The following IFIT3 variants were observed in gnomAD, a reference collection of about 807,000 sequenced individuals.
IFIT3 encodes interferon induced protein with tetratricopeptide repeats 3.
Under a neutral mutation model 2.4 loss-of-function variants are expected in IFIT3, and 2 were observed. The ratio of observed to expected loss-of-function variants is 0.82; its 90% CI spans 0.34 to 2.60. The LOEUF (loss-of-function observed/expected upper bound fraction) is 2.60. Among genes scored for constraint, IFIT3 ranks in the 30% most tolerant of loss-of-function variants. IFIT3 has a pLI of 0.11. For missense variants in IFIT3, 481 were observed against 562.4 expected (o/e 0.86, Z 1.46); for synonymous variants, 203 against 212.1 (o/e 0.96, Z 0.37).
intron 1 of IFIT3, among the ~76,000 whole-genome samples, chr10:89,333,607 A>G (rs7088379): frequency 0.062 from 9,484 of 152,298 alleles, 710 homozygotes; most frequent in African/African-American, 0.18. Context: ...GGCTGAGGCA[A>G]GAGGATTGCT....
chr10:89,336,700 TA>T (rs1843746001), intron 1 of IFIT3, among the ~76,000 whole-genome samples: 1 of 152,248 alleles, frequency 6.6e-6, no homozygotes, highest in Admixed American at 6.5e-5. Flanking sequence ...TTGGTCAGAA[TA>T]GATGGTTGGT....
chr10:89,332,310 A>C (rs1408408767), intron 1 of IFIT3, among the ~76,000 whole-genome samples: 2 of 152,236 alleles, frequency 1.3e-5, no homozygotes, highest in African/African-American at 4.8e-5. Context: ...GACATAACAC[A>C]TTTGGAAGCT....
rs776829062 is a variant in IFIT3 at position 89,339,939 on chromosome 10, T to C, written c.1284T>C (p.Asn428=). Residue 428 remains asparagine, a synonymous_variant, in exon 2 of 2, where the codon AAT becomes AAC. Coordinates refer to ENST00000371818, the MANE Select transcript of IFIT3 (RefSeq NM_001549.6). The part of the protein sequence containing the change: ...WYLQGLIHKQ[N]GDLLQAAKCY... ...TTCAAGGATTAATTCATAAGCAGAA[T>C]GGAGATCTGCTGCAAGCAGCCAAAT... 24 of 1,614,016 alleles carry C rather than the reference T, an allele frequency of 1.5e-5. No individual in the cohort carries two copies. The highest frequency in any genetic ancestry group is 1.9e-5 in the Non-Finnish European group (23 of 1,179,988).
In IFIT3 at chr10:89,331,235, C is replaced by G. The variant is rs571537620; in HGVS notation, c.5+3157C>G. On this transcript the variant is annotated intron_variant, in intron 1 of 1. Coordinates refer to ENST00000371818, the MANE Select transcript of IFIT3 (RefSeq NM_001549.6). The stretch of plus-strand genomic sequence containing the variant: ...TCACCCAGGCTGGAGTGCAGTGGCC[C>G]GATCATGGCTCACTGCAGCCTCAGA... 7.7e-4 allele frequency among the ~76,000 whole-genome samples: 117 copies of G among 152,232 alleles called. 1 individual carries two copies. The highest frequency in any genetic ancestry group is 2.7e-3 in the African/African-American group (114 of 41,526).
chr10:89,340,237 G>T lies in IFIT3; in HGVS notation c.*109G>T. ...TGGGATTGCTGAGCAGGGAAGCTTT[G>T]CATGTTGCTCTAAGGTACATTTTTA... is the stretch of plus-strand genomic sequence containing the variant. On this transcript the variant is annotated 3_prime_UTR_variant, in exon 2 of 2. Transcript: ENST00000371818. The T allele has an allele frequency of 8.5e-7, 1 of 1,173,288 alleles. No homozygotes were observed. The highest frequency in any genetic ancestry group is 1.2e-6 in the Non-Finnish European group (1 of 850,018). 72.7% of individuals were successfully genotyped at this position (1,173,288 alleles called of 1,614,324 possible). A position where few individuals can be genotyped will look rare whatever the true frequency, so the allele number is the denominator to read the frequency against.
chr10:89,333,023 T>A (rs1312816090), intron 1 of IFIT3, among the ~76,000 whole-genome samples: 1 of 152,248 alleles, frequency 6.6e-6, no homozygotes, highest in Non-Finnish European at 1.5e-5. Context: ...ACTGTGGTTA[T>A]TTTTAAACCA....
chr10:89,337,655 T>C (rs368381166), intron 1 of IFIT3, among the ~76,000 whole-genome samples: 3 of 152,350 alleles, frequency 2.0e-5, no homozygotes, highest in African/African-American at 2.4e-5. Flanking sequence ...CGCCTTGGCC[T>C]CCCAAAGTGC....
At chr10:89,337,902 T>G (rs1843770702) in intron 1 of IFIT3, among the ~76,000 whole-genome samples, 1 of 152,202 alleles carries the variant, frequency 6.6e-6, no homozygotes, top group Admixed American at 6.5e-5. Flanking sequence ...GGTACAAAAG[T>G]GATAATTCCA....
chr10:89,336,315 A>G (rs2133558362), intron 1 of IFIT3, among the ~76,000 whole-genome samples: 1 of 152,306 alleles, frequency 6.6e-6, no homozygotes, highest in Non-Finnish European at 1.5e-5. Context: ...GGGACCAAGA[A>G]AAGGAAAAGG....
chr10:89,336,355 A>G (rs1843740575), intron 1 of IFIT3, among the ~76,000 whole-genome samples: 2 of 152,208 alleles, frequency 1.3e-5, no homozygotes, highest in Admixed American at 6.5e-5. Context: ...ACACACATAA[A>G]GAGGCTAGCC....
intron 1 of IFIT3, chr10:89,332,649 G>A (rs778647935): frequency 1.9e-6 from 3 of 1,612,504 alleles, no homozygotes; most frequent in East Asian, 4.5e-5. Context: ...CTGCTTCTCT[G>A]ATAGGAAACA....
intron 1 of IFIT3, chr10:89,335,565 A>C (rs915718441): frequency 6.6e-6 from 1 of 150,422 alleles, no homozygotes; most frequent in Non-Finnish European, 1.5e-5. Flanking sequence ...AAAAAGAGAG[A>C]GAGATAGTGT....
Position 89,338,806 on chromosome 10 carries a change from G to A in IFIT3, c.151G>A (p.Ala51Thr), listed in dbSNP as rs749802192. 1 of 1,614,156 alleles carries A rather than the reference G, an allele frequency of 6.2e-7. No homozygotes were observed. The highest frequency in any genetic ancestry group is 1.1e-5 in the South Asian group (1 of 91,086). ...QIEFLNTEFK[A>T]TMYNLLAYIK... Reference sequence around the variant, plus strand: ...TGAATTTTTAAACACTGAGTTCAAAGCTACAATGTACAACTTGTTGGCCTA... The same window carrying A: ...TGAATTTTTAAACACTGAGTTCAAAACTACAATGTACAACTTGTTGGCCTA... The change falls in exon 2 of 2, where the codon GCT (alanine) becomes ACT (threonine). Residue 51 changes from alanine to threonine, a missense_variant. Coordinates refer to ENST00000371818, the MANE Select transcript of IFIT3 (RefSeq NM_001549.6).
rs142186736 is a variant in IFIT3, at chr10:89,338,012, G to A, written c.6-649G>A. ...TTGTGTTAGGTGACTTTGCCCCACTGTAGGCTAATGTAAGGGTTCTGAGCA... is the reference window on the plus strand; with the variant it reads ...TTGTGTTAGGTGACTTTGCCCCACTATAGGCTAATGTAAGGGTTCTGAGCA... On this transcript the variant is annotated intron_variant, in intron 1 of 1. Transcript: ENST00000371818. 1.0e-3 allele frequency among the ~76,000 whole-genome samples: 153 copies of A among 152,272 alleles called. 1 individual carries two copies. Among genetic ancestry groups the A allele is most frequent in the Non-Finnish European group, 1.9e-3 (127 of 68,008 alleles).
intron 1 of IFIT3, among the ~76,000 whole-genome samples, chr10:89,337,598 C>T (rs1295983069): frequency 1.3e-5 from 2 of 152,134 alleles, no homozygotes; most frequent in Non-Finnish European, 2.9e-5. Context: ...CAGGCTTTCG[C>T]CATGTTGCCC....
chr10:89,340,100 T>A lies in IFIT3; in HGVS notation c.1445T>A (p.Leu482His). The A allele has an allele frequency of 6.2e-7, 1 of 1,607,544 alleles. No homozygotes were observed. The highest frequency in any genetic ancestry group is 2.2e-5 in the East Asian group (1 of 44,794). Residue 482 changes from leucine to histidine, a missense_variant, in exon 2 of 2, where the codon CTC becomes CAC. Coordinates refer to ENST00000371818, the MANE Select transcript of IFIT3 (RefSeq NM_001549.6). ...QGAVSSSPRE[L>H]LSNSEQLN Reference sequence around the variant, plus strand: ...GCAGTCAGCTCCAGTCCCAGAGAGCTCCTCTCTAACTCAGAGCAACTGAAC... The same window carrying A: ...GCAGTCAGCTCCAGTCCCAGAGAGCACCTCTCTAACTCAGAGCAACTGAAC...
chr10:89,331,019 AC>A (rs1225374137), intron 1 of IFIT3, among the ~76,000 whole-genome samples: 1 of 152,008 alleles, frequency 6.6e-6, no homozygotes, highest in Non-Finnish European at 1.5e-5. Flanking sequence ...AGTTTATTCA[AC>A]AAAAAGTTGA....
rs1199162071 is a variant in IFIT3, at chr10:89,339,867, T to G, written c.1212T>G (p.Asn404Lys). Residue 404 changes from asparagine (N) to lysine (K), a missense_variant, in exon 2 of 2, where the codon AAT (asparagine) becomes AAG (lysine). By Grantham distance (94) the Asn-to-Lys change is moderately conservative (BLOSUM62 0). Coordinates refer to ENST00000371818, the MANE Select transcript of IFIT3 (RefSeq NM_001549.6). ...AAGAGATCAAAGACCAACCACAGAA[T>G]GTATCTGAAAATCTGCTTCCACAAA... Reference protein sequence around the residue: ...DKEEIKDQPQNVSENLLPQNA... With the variant: ...DKEEIKDQPQKVSENLLPQNA... The G allele has an allele frequency of 6.2e-7, 1 of 1,614,210 alleles. No homozygotes were observed. Among genetic ancestry groups the G allele is most frequent in the Admixed American group, 1.7e-5 (1 of 60,030 alleles).
At chr10:89,338,568 G>A in intron 1 of IFIT3, 93 bp from the exon 2 acceptor site, 2 of 1,227,832 alleles carry the variant, frequency 1.6e-6, no homozygotes, top group Non-Finnish European at 2.3e-6. Context: ...TGGGCATCCT[G>A]TGGCCCAGTT....
Sources: allele counts gnomAD v4.1 joint callset (sites outside exome capture counted in the v4.1 genomes callset), GRCh38; gene constraint gnomAD v4.1.1; transcripts MANE v1.5; gene names NCBI Gene and HGNC (gene_info 2026-07-23, HGNC 2026-07-21).